Variants in FAF1 observed in about 807,000 individuals in gnomAD.
FAF1 encodes FAS-associated factor 1.
FAF1 carries 25 observed loss-of-function variants against 92.5 expected under a neutral mutation model. The observed-to-expected ratio is 0.27, with a 90% CI of 0.20 to 0.38. FAF1 has a LOEUF of 0.38. Ranked by LOEUF, FAF1 falls within the 10% of genes least tolerant of loss-of-function variation. The pLI is 1.00. For synonymous variants in FAF1, 234 were observed against 273.2 expected (o/e 0.86, Z 1.42); for missense variants, 636 against 793.3 (o/e 0.80, Z 2.38).
chr1:50,763,689 T>G (rs1660450737), intron 4 of FAF1, among the ~76,000 whole-genome samples: 1 of 152,178 alleles, frequency 6.6e-6, no homozygotes, highest in Non-Finnish European at 1.5e-5. Context: ...TTTTCAACAG[T>G]TAAACTGTTA....
chr1:50,453,313 T>C (rs1054741815), intron 18 of FAF1, among the ~76,000 whole-genome samples: 2 of 152,176 alleles, frequency 1.3e-5, no homozygotes, highest in African/African-American at 4.8e-5. Context: ...AATTTTAATA[T>C]CCAAGCAGGG....
At chr1:50,950,387 A>G (rs1391478001) in intron 1 of FAF1, among the ~76,000 whole-genome samples, 3 of 152,232 alleles carry the variant, frequency 2.0e-5, no homozygotes, top group Admixed American at 2.0e-4. Context: ...TCATGGGGGG[A>G]GCGGAGAAAT....
At position 50,959,955 on chromosome 1, in the gene FAF1, C is replaced by T; in HGVS notation, c.-144G>A. 2.5e-6 allele frequency: 1 copy of T among 397,834 alleles called. No individual in the cohort carries two copies. 24.6% of individuals were successfully genotyped at this position (397,834 alleles called of 1,614,324 possible). On this transcript the variant is annotated 5_prime_UTR_variant, in exon 1 of 19. Coordinates refer to ENST00000396153, the MANE Select transcript of FAF1 (RefSeq NM_007051.3). ...GCGAGCCGGCGGGCGGGTCGGCGGG[C>T]CAGCGGGCGGGGCAGCGCGGGAAGC...
At chr1:50,729,243 T>C (rs1044149441) in intron 6 of FAF1, among the ~76,000 whole-genome samples, 5 of 148,966 alleles carry the variant, frequency 3.4e-5, no homozygotes, top group Non-Finnish European at 7.4e-5. Flanking sequence ...TTAGTAAAGA[T>C]GGGGTTTCTC....
chr1:50,614,839 CAAAAAAAAA>C (rs1295301237), intron 8 of FAF1, among the ~76,000 whole-genome samples: 1 of 46,840 alleles, frequency 2.1e-5, no homozygotes, highest in Non-Finnish European at 4.6e-5. Context: ...AACTCCGTCT[CAAAAAAAAA>C]AAAAAAAAAA....
intron 18 of FAF1, among the ~76,000 whole-genome samples, chr1:50,473,284 C>A (rs1487821484): frequency 6.6e-6 from 1 of 152,122 alleles, no homozygotes; most frequent in Non-Finnish European, 1.5e-5. Flanking sequence ...GATATTTTCA[C>A]CCCATCCCTG....
intron 9 of FAF1, among the ~76,000 whole-genome samples, chr1:50,592,726 T>C (rs1203955322): frequency 6.6e-6 from 1 of 152,136 alleles, no homozygotes; most frequent in Non-Finnish European, 1.5e-5. Flanking sequence ...GGAGGGCAGA[T>C]CACTTGAGGT....
intron 7 of FAF1, among the ~76,000 whole-genome samples, chr1:50,662,614 C>CAAT (rs1655426139): frequency 7.0e-6 from 1 of 143,360 alleles, no homozygotes; most frequent in Non-Finnish European, 1.5e-5. Context: ...AGCAACTTGA[C>CAAT]AATTGCAAAG....
At chr1:50,816,985 T>C (rs761695115) in intron 2 of FAF1, among the ~76,000 whole-genome samples, 5 of 152,196 alleles carry the variant, frequency 3.3e-5, no homozygotes, top group Non-Finnish European at 5.9e-5. Context: ...GAAGATTAGA[T>C]GGCTGTAGGT....
chr1:50,555,313 A>C (rs1470302600), intron 13 of FAF1, among the ~76,000 whole-genome samples: 1 of 151,910 alleles, frequency 6.6e-6, no homozygotes, highest in Non-Finnish European at 1.5e-5. Flanking sequence ...ATAAAACCCA[A>C]AGCTTCTAAA....
intron 6 of FAF1, among the ~76,000 whole-genome samples, chr1:50,712,341 T>A (rs145069376): frequency 7.6e-4 from 116 of 152,172 alleles, no homozygotes; most frequent in African/African-American, 2.7e-3. Context: ...GGAGAGGGGT[T>A]AGTGGGGAAG....
chr1:50,802,632 G>A (rs1049556770), intron 2 of FAF1, among the ~76,000 whole-genome samples: 2 of 152,154 alleles, frequency 1.3e-5, no homozygotes, highest in African/African-American at 4.8e-5. Flanking sequence ...GCAGGCTGTC[G>A]AATCCTGGAA....
At chr1:50,746,929 G>C (rs906226430) in intron 4 of FAF1, among the ~76,000 whole-genome samples, 3 of 152,164 alleles carry the variant, frequency 2.0e-5, no homozygotes, top group Non-Finnish European at 4.4e-5. Flanking sequence ...TGGCTCAAAG[G>C]AACCTGGGTA....
chr1:50,539,849 A>C, intron 13 of FAF1, 121 bp from the exon 14 acceptor site: 1 of 661,976 alleles, frequency 1.5e-6, no homozygotes, highest in East Asian at 2.8e-5. Context: ...CCTGATATCA[A>C]TATGTAAAAT....
intron 2 of FAF1, among the ~76,000 whole-genome samples, chr1:50,837,435 C>T (rs939314864): frequency 1.3e-5 from 2 of 152,130 alleles, no homozygotes; most frequent in Non-Finnish European, 2.9e-5. Context: ...CCAATTTCGA[C>T]GTGCCTGGTT....
At chr1:50,886,163 T>A (rs1177265829) in intron 1 of FAF1, among the ~76,000 whole-genome samples, 1 of 152,206 alleles carries the variant, frequency 6.6e-6, no homozygotes, top group Non-Finnish European at 1.5e-5. Flanking sequence ...GTGTATTTAC[T>A]GTTGCCAGTG....
At chr1:50,904,425 G>A (rs1644819469) in intron 1 of FAF1, among the ~76,000 whole-genome samples, 1 of 152,130 alleles carries the variant, frequency 6.6e-6, no homozygotes, top group Admixed American at 6.5e-5. Flanking sequence ...AAAAAGTTCT[G>A]GAGATGAATG....
intron 15 of FAF1, among the ~76,000 whole-genome samples, chr1:50,532,062 C>T (rs1385359463): frequency 1.3e-5 from 2 of 152,098 alleles, no homozygotes; most frequent in Admixed American, 6.6e-5. Flanking sequence ...TATTCAGCAG[C>T]TACCAAATCA....
intron 2 of FAF1, 67 bp from the exon 3 acceptor site, chr1:50,801,744 C>T (rs1299474888): frequency 1.1e-6 from 1 of 878,498 alleles, no homozygotes; most frequent in Admixed American, 1.9e-5. Context: ...GTGGAGAACA[C>T]TTTAAAAGGA....
Sources: allele counts gnomAD v4.1 joint callset (sites outside exome capture counted in the v4.1 genomes callset), GRCh38; gene constraint gnomAD v4.1.1; transcripts MANE v1.5; gene names NCBI Gene and HGNC (gene_info 2026-07-23, HGNC 2026-07-21).